MRTFB: variants seen among roughly 807,000 people sequenced by gnomAD.
MRTFB encodes myocardin related transcription factor B, also known as myocardin-related transcription factor B.
MRTFB carries 29 observed loss-of-function variants against 104.2 expected under a neutral mutation model. The ratio of observed to expected loss-of-function variants is 0.28; its 90% CI spans 0.21 to 0.38. The LOEUF is 0.38. MRTFB is among the 10% of genes least tolerant of loss of function. The pLI is 1.00. For missense variants in MRTFB, 1,270 were observed against 1,341.6 expected (o/e 0.95, Z 0.83); for synonymous variants, 535 against 519.5 (o/e 1.03, Z -0.41).
intron 3 of MRTFB, among the ~76,000 whole-genome samples, chr16:14,191,032 A>T (rs1261584640): frequency 8.5e-5 from 13 of 152,258 alleles, no homozygotes; most frequent in Non-Finnish European, 1.5e-5. Flanking sequence ...CTGAAATATT[A>T]TGAATAATCC....
intron 2 of MRTFB, among the ~76,000 whole-genome samples, chr16:14,124,481 T>C (rs2037008804): frequency 6.6e-6 from 1 of 152,218 alleles, no homozygotes; most frequent in Non-Finnish European, 1.5e-5. Context: ...TGAAGCGGTG[T>C]TGAATTTTGT....
chr16:14,079,394 A>G (rs1431765218), intron 2 of MRTFB, 40 bp downstream of exon 2: 1 of 345,482 alleles, frequency 2.9e-6, no homozygotes, highest in Non-Finnish European at 5.3e-6. Context: ...AAGAAACTGT[A>G]ATTTCTTTCT....
intron 2 of MRTFB, among the ~76,000 whole-genome samples, chr16:14,082,110 T>C (rs1376548837): frequency 6.6e-6 from 1 of 152,252 alleles, no homozygotes; most frequent in Non-Finnish European, 1.5e-5. Context: ...TAAAAATCAT[T>C]GTCCAGACCA....
chr16:14,044,837 G>A, the MRTFB span, among the ~76,000 whole-genome samples: 1 of 152,108 alleles, frequency 6.6e-6, no homozygotes, highest in Admixed American at 6.6e-5. Flanking sequence ...TGCTCAGGAG[G>A]CCCTTGCTGA....
intron 2 of MRTFB, among the ~76,000 whole-genome samples, chr16:14,080,031 G>A (rs565883958): frequency 2.0e-5 from 3 of 152,200 alleles, no homozygotes; most frequent in African/African-American, 7.2e-5. Flanking sequence ...CATTTTACTG[G>A]CTGCCTAATG....
chr16:14,069,732 T>C (rs1018218248), upstream of MRTFB, among the ~76,000 whole-genome samples: 6 of 152,228 alleles, frequency 3.9e-5, no homozygotes, highest in African/African-American at 1.4e-4. Flanking sequence ...TCCTCCTGAC[T>C]GGACCTCCTA....
intron 2 of MRTFB, among the ~76,000 whole-genome samples, chr16:14,128,719 T>C (rs1321367932): frequency 6.6e-6 from 1 of 152,196 alleles, no homozygotes; most frequent in African/African-American, 2.4e-5. Flanking sequence ...ATTTAACCCA[T>C]CTCCTATTGA....
chr16:14,181,448 T>C (rs919765272), intron 3 of MRTFB, among the ~76,000 whole-genome samples: 2 of 151,104 alleles, frequency 1.3e-5, no homozygotes, highest in Non-Finnish European at 3.0e-5. Flanking sequence ...TCAGCCTGTG[T>C]GAAGGAAGTT....
intron 2 of MRTFB, among the ~76,000 whole-genome samples, chr16:14,103,446 G>T (rs747512834): frequency 3.5e-4 from 54 of 152,204 alleles, no homozygotes; most frequent in Non-Finnish European, 4.4e-5. Context: ...CTAAGGAAAT[G>T]TCTGAGCTGT....
intron 9 of MRTFB, among the ~76,000 whole-genome samples, chr16:14,235,410 G>A (rs1294268668): frequency 4.0e-4 from 61 of 152,138 alleles, no homozygotes; most frequent in Admixed American, 3.9e-3. Context: ...ATGCAACCCC[G>A]ACGGCACAGA....
the MRTFB span, among the ~76,000 whole-genome samples, chr16:14,022,526 AG>A: frequency 6.6e-6 from 1 of 152,070 alleles, no homozygotes; most frequent in Non-Finnish European, 1.5e-5. Flanking sequence ...CCTCCTGAGC[AG>A]CTGGGACTAC....
chr16:14,117,842 A>G (rs2142243335), intron 2 of MRTFB, among the ~76,000 whole-genome samples: 1 of 152,298 alleles, frequency 6.6e-6, no homozygotes, highest in East Asian at 1.9e-4. Context: ...GAAAAAAGAA[A>G]AGCCATTCAT....
chr16:14,072,232 C>T (rs974870833), intron 1 of MRTFB, among the ~76,000 whole-genome samples: 3 of 152,128 alleles, frequency 2.0e-5, no homozygotes, highest in East Asian at 1.9e-4. Flanking sequence ...TGTATAAAGC[C>T]CTCTTTACTA....
chr16:14,051,109 CACAA>C, the MRTFB span, among the ~76,000 whole-genome samples: 498 of 152,128 alleles, frequency 3.3e-3, 2 homozygotes, highest in African/African-American at 8.7e-3. Flanking sequence ...CACACAAACT[CACAA>C]ACAGAGGCAC....
chr16:14,042,801 C>G, the MRTFB span, among the ~76,000 whole-genome samples: 106,090 of 152,162 alleles, frequency 0.7, 41,487 homozygotes, highest in East Asian at 0.99. Context: ...GTAGGCCAAG[C>G]AGCGTTTACC....
At chr16:14,260,773 C>A in intron 16 of MRTFB, 136 bp from the exon 17 acceptor site, 1 of 688,570 alleles carries the variant, frequency 1.5e-6, no homozygotes, top group Non-Finnish European at 2.4e-6. Flanking sequence ...TGACCAATAG[C>A]ATTCTCTTCC....
chr16:14,101,405 C>T (rs371615073), intron 2 of MRTFB, among the ~76,000 whole-genome samples: 1 of 152,036 alleles, frequency 6.6e-6, no homozygotes, highest in East Asian at 1.9e-4. Context: ...TCTCAGGTAT[C>T]GTATTTTGGT....
At chr16:14,125,073 C>T (rs1343842019) in intron 2 of MRTFB, among the ~76,000 whole-genome samples, 9 of 152,172 alleles carry the variant, frequency 5.9e-5, no homozygotes, top group Admixed American at 5.9e-4. Context: ...CACTGGAATC[C>T]TTGGCTGCAG....
Position 14,251,890 on chromosome 16 carries a change from CA to C in MRTFB, c.2433del (p.Val812PhefsTer116), listed in dbSNP as rs2043271404. ...KVFTNSASSN[T>X]VLPYQRHPAP... Reference sequence around the variant, plus strand: ...TTCACAAACTCAGCATCATCAAATACAGTTCTTCCATATCAGAGACATCCTG... The same window carrying C: ...TTCACAAACTCAGCATCATCAAATACGTTCTTCCATATCAGAGACATCCTG... On this transcript the variant is annotated frameshift_variant, in exon 14 of 17. Transcript: ENST00000571589. LOFTEE classifies it high-confidence loss of function. The C allele has an allele frequency of 6.2e-7, 1 of 1,614,026 alleles. No homozygotes were observed.
Sources: allele counts gnomAD v4.1 joint callset (sites outside exome capture counted in the v4.1 genomes callset), GRCh38; gene constraint gnomAD v4.1.1; transcripts MANE v1.5; gene names NCBI Gene and HGNC (gene_info 2026-07-23, HGNC 2026-07-21).